APP: variants seen among roughly 807,000 people sequenced by gnomAD.
APP encodes amyloid-beta precursor protein.
A neutral mutation model predicts 101.4 loss-of-function variants in APP; 31 were observed. The observed-to-expected ratio is 0.31, with a 90% confidence interval of 0.23 to 0.41. APP has a LOEUF of 0.41. Ranked by LOEUF, APP falls within the 10% of genes least tolerant of loss-of-function variation. The pLI is 1.00. For synonymous variants in APP, 366 were observed against 364.4 expected (o/e 1.00, Z -0.05); for missense variants, 839 against 1,003.7 (o/e 0.84, Z 2.22).
chr21:26,087,009 G>A (rs1007782717), intron 3 of APP, among the ~76,000 whole-genome samples: 1 of 152,146 alleles, frequency 6.6e-6, no homozygotes, highest in Admixed American at 6.5e-5. Flanking sequence ...TGTCTATTAA[G>A]TGCAAGTAAA....
At chr21:25,937,852 C>T (rs1267823357) in intron 13 of APP, 1 of 152,300 alleles carries the variant, frequency 6.6e-6, no homozygotes, top group African/African-American at 2.4e-5. Flanking sequence ...TCACTGCAAC[C>T]TCCAACTCCT....
intron 5 of APP, among the ~76,000 whole-genome samples, chr21:26,046,417 A>G (rs1226141331): frequency 1.3e-5 from 2 of 151,794 alleles, no homozygotes; most frequent in African/African-American, 2.4e-5. Flanking sequence ...ATCTTAAAAA[A>G]AAAAGAAAAA....
chr21:26,112,059 T>C lies in APP; in HGVS notation c.145A>G (p.Asn49Asp), dbSNP rs2062337831. The change falls in exon 2 of 18, where the codon AAT becomes GAT. Residue 49 changes from asparagine to aspartate, a missense_variant. Physicochemically the swap from Asn to Asp is conservative, Grantham distance 23. Coordinates refer to ENST00000346798, the MANE Select transcript of APP (RefSeq NM_000484.4). ...GATGGATCTGAATCCCACTTCCCAT[T>C]CTGGACATTCATGTGCATGTTCAGT... ...GRLNMHMNVQ[N>D]GKWDSDPSGT... 1 of 1,613,986 alleles carries C rather than the reference T, an allele frequency of 6.2e-7. No homozygotes were observed. The highest frequency in any genetic ancestry group is 1.1e-5 in the South Asian group (1 of 91,082).
intron 15 of APP, among the ~76,000 whole-genome samples, chr21:25,900,977 G>A (rs2038422887): frequency 1.3e-5 from 1 of 79,564 alleles, no homozygotes; most frequent in Admixed American, 1.7e-4. Flanking sequence ...GACAGAGTGA[G>A]ACTCCATCTC....
At chr21:26,066,006 C>A (rs1405041969) in intron 3 of APP, among the ~76,000 whole-genome samples, 1 of 152,144 alleles carries the variant, frequency 6.6e-6, no homozygotes, top group Non-Finnish European at 1.5e-5. Flanking sequence ...TTTACGTGTT[C>A]TGGGACGCGC....
intron 3 of APP, among the ~76,000 whole-genome samples, chr21:26,061,304 T>C (rs544264920): frequency 1.3e-5 from 2 of 152,298 alleles, no homozygotes; most frequent in Non-Finnish European, 2.9e-5. Flanking sequence ...GGTAGAACTT[T>C]TGAGAATTAT....
At chr21:26,055,926 T>C (rs1336239470) in intron 3 of APP, among the ~76,000 whole-genome samples, 3 of 152,200 alleles carry the variant, frequency 2.0e-5, no homozygotes, top group African/African-American at 7.2e-5. Context: ...AACCAAATCA[T>C]CTTGTTTTAT....
intron 3 of APP, among the ~76,000 whole-genome samples, chr21:26,064,582 G>A (rs1383983189): frequency 6.7e-6 from 1 of 149,996 alleles, no homozygotes; most frequent in African/African-American, 2.5e-5. Context: ...CTTGCATACA[G>A]GGTAGAGAGT....
At chr21:25,984,668 T>G (rs1430066612) in intron 8 of APP, among the ~76,000 whole-genome samples, 3 of 152,158 alleles carry the variant, frequency 2.0e-5, no homozygotes, top group African/African-American at 7.2e-5. Flanking sequence ...CAACTTGAAA[T>G]GAACATGGTA....
At chr21:26,022,775 C>T (rs2044400252) in intron 5 of APP, among the ~76,000 whole-genome samples, 1 of 152,236 alleles carries the variant, frequency 6.6e-6, no homozygotes, top group African/African-American at 2.4e-5. Flanking sequence ...GTAGCGGATA[C>T]TCAGTATATG....
intron 14 of APP, among the ~76,000 whole-genome samples, chr21:25,910,005 ATAGTC>A (rs1314056416): frequency 3.3e-5 from 5 of 152,180 alleles, no homozygotes; most frequent in African/African-American, 7.2e-5. Context: ...CATTGTGAAA[ATAGTC>A]TATATATTTT....
At chr21:25,945,329 A>T (rs1482570437) in intron 13 of APP, among the ~76,000 whole-genome samples, 1 of 148,768 alleles carries the variant, frequency 6.7e-6, no homozygotes, top group Non-Finnish European at 1.5e-5. Context: ...CCTCATTAAC[A>T]TTATATATAA....
chr21:25,975,535 T>TA lies in APP; in HGVS notation c.1300-308dup, dbSNP rs59656239. On this transcript the variant is annotated intron_variant, in intron 10 of 17. Transcript: ENST00000346798. ...CTCTTGAAACTCTTATATTACATAT[T>TA]AAAAAAAAATCCCTCTCTTACTAAC... is the stretch of plus-strand genomic sequence containing the variant. 8.6e-3 allele frequency among the ~76,000 whole-genome samples: 1,300 copies of TA among 151,404 alleles called. 20 individuals are homozygous for TA. Among genetic ancestry groups the TA allele is most frequent in the African/African-American group, 0.028 (1,140 of 41,208 alleles).
At position 25,903,456 on chromosome 21, in the gene APP, A is replaced by G. The variant is rs1000448966; in HGVS notation, c.1963+1568T>C. Among the ~76,000 whole-genome samples the G allele has an allele frequency of 3.9e-5, 6 of 152,158 alleles. No individual in the cohort carries two copies. In the South Asian group the frequency reaches 6.2e-4, roughly 16 times the overall value. Reference sequence around the variant, plus strand: ...GTGTCACCTGTTCCTGGATGTTTCAATAGTAACATATAGGCTCTCCTGGCC... The same window carrying G: ...GTGTCACCTGTTCCTGGATGTTTCAGTAGTAACATATAGGCTCTCCTGGCC... On this transcript the variant is annotated intron_variant, in intron 15 of 17. Transcript: ENST00000346798.
Position 25,897,689 on chromosome 21 carries a change from A to G in APP, c.1964-16T>C. On this transcript the variant is annotated splice_polypyrimidine_tract_variant and intron_variant, in intron 15 of 17. Coordinates refer to ENST00000346798, the MANE Select transcript of APP (RefSeq NM_000484.4). ...AACCCAGAACCTGTATTACATCATA[A>G]TTAAAGTATGCAGGACAACCAATTA... 9 of 1,591,658 alleles carry G rather than the reference A, an allele frequency of 5.7e-6. No homozygotes were observed. The highest frequency in any genetic ancestry group is 6.0e-6 in the Non-Finnish European group (7 of 1,159,724).
intron 3 of APP, among the ~76,000 whole-genome samples, chr21:26,069,080 C>T (rs2046573316): frequency 6.6e-6 from 1 of 152,132 alleles, no homozygotes; most frequent in Admixed American, 6.5e-5. Flanking sequence ...TTGTGAGGAG[C>T]CCAAAACATG....
At chr21:26,119,685 A>AC (rs2062520324) in intron 1 of APP, among the ~76,000 whole-genome samples, 1 of 150,324 alleles carries the variant, frequency 6.7e-6, no homozygotes, top group East Asian at 1.9e-4. Context: ...TGCTAGAATG[A>AC]ACACACACAC....
chr21:26,000,266 A>G, intron 6 of APP, 84 bp from the exon 7 acceptor site: 1 of 1,561,306 alleles, frequency 6.4e-7, no homozygotes, highest in South Asian at 1.1e-5. Flanking sequence ...ACTTCTTTTA[A>G]TCCTCCCAGT....
rs1190845316 is a variant in APP, at chr21:25,920,505, C to T, written c.1688-8543G>A. Among the ~76,000 whole-genome samples, 575 of 151,972 alleles carry T rather than the reference C, an allele frequency of 3.8e-3. 4 individuals are homozygous for T. The highest frequency in any genetic ancestry group is 0.013 in the African/African-American group (545 of 41,392). ...CCCATCTCATGTGCAGAGACACACA[C>T]AGGCTCAAAATAAAAGGATGGAGGA... On this transcript the variant is annotated intron_variant, in intron 13 of 17. Coordinates refer to ENST00000346798, the MANE Select transcript of APP (RefSeq NM_000484.4).
Sources: gnomAD v4.1 joint callset for allele counts (sites outside exome capture counted in the v4.1 genomes callset) on GRCh38, gnomAD v4.1.1 for gene constraint, MANE v1.5 for transcripts, NCBI Gene and HGNC (gene_info 2026-07-23, HGNC 2026-07-21) for gene names.